Variants in C11orf58 observed in about 807,000 individuals in gnomAD.
The protein encoded by C11orf58 is small acidic protein.
Under a neutral mutation model 22.7 loss-of-function variants are expected in C11orf58, and 5 were observed. The ratio of observed to expected loss-of-function variants is 0.22; its 90% confidence interval spans 0.12 to 0.46. The LOEUF is 0.46. Ranked by LOEUF, C11orf58 falls within the 20% of genes least tolerant of loss-of-function variation. The probability of loss-of-function intolerance (pLI) is 0.99; values close to 1 mark genes in which losing one functional copy is unlikely to be tolerated. For synonymous variants in C11orf58, 71 were observed against 70.7 expected (o/e 1.00, Z -0.02); for missense variants, 151 against 223.3 (o/e 0.68, Z 2.06).
At chr11:16,739,118 A>G (rs1190565995) in intron 1 of C11orf58, among the ~76,000 whole-genome samples, 1 of 151,982 alleles carries the variant, frequency 6.6e-6, no homozygotes, top group African/African-American at 2.4e-5. Flanking sequence ...TAGTCAAGGG[A>G]TTTCGTACGT....
intron 1 of C11orf58, 101 bp from the exon 2 acceptor site, chr11:16,744,500 A>T (rs1281396902): frequency 6.9e-6 from 6 of 867,908 alleles, no homozygotes; most frequent in Non-Finnish European, 1.1e-5. Context: ...TTATAGTTAC[A>T]ACTGACAGGG....
chr11:16,744,528 T>TA, intron 1 of C11orf58, 73 bp from the exon 2 acceptor site: 1 of 1,220,820 alleles, frequency 8.2e-7, no homozygotes, highest in Non-Finnish European at 1.2e-6. Flanking sequence ...ACTTGAGAGT[T>TA]ACAGGTAGAC....
intron 1 of C11orf58, chr11:16,744,397 A>T (rs756017916): frequency 1.5e-5 from 8 of 529,186 alleles, no homozygotes; most frequent in Non-Finnish European, 2.7e-5. Context: ...GCTGTAGGAG[A>T]ACTAAAGGAT....
At chr11:16,748,874 CT>C (rs1848509649) in intron 3 of C11orf58, among the ~76,000 whole-genome samples, 2 of 151,960 alleles carry the variant, frequency 1.3e-5, no homozygotes, top group African/African-American at 4.8e-5. Flanking sequence ...AGAAACTAAC[CT>C]TTTTCTGTCT....
chr11:16,752,901 ATTAAC>A lies in C11orf58; in HGVS notation c.318+11_318+15del, dbSNP rs769926459. 4.4e-6 allele frequency: 7 copies of A among 1,587,030 alleles called. No individual in the cohort carries two copies. Among genetic ancestry groups the A allele is most frequent in the Middle Eastern group, 1.7e-4 (1 of 5,996 alleles). ...TGGACTTGGCTTCAGTGAGGTAGTA[ATTAAC>A]TTATTTTCATTGGGAAGATAATTAG... On this transcript the variant is annotated splice_region_variant and intron_variant, in intron 4 of 4. Coordinates refer to ENST00000228136, the MANE Select transcript of C11orf58 (RefSeq NM_014267.6).
chr11:16,750,341 A>G (rs1319775578), intron 3 of C11orf58: 1 of 152,234 alleles, frequency 6.6e-6, no homozygotes, highest in Non-Finnish European at 1.5e-5. Context: ...TCGTGAACGC[A>G]AAGAACAGAA....
intron 1 of C11orf58, among the ~76,000 whole-genome samples, chr11:16,743,080 T>C (rs1305992501): frequency 6.6e-6 from 1 of 152,360 alleles, no homozygotes; most frequent in East Asian, 1.9e-4. Context: ...AACCTATTGC[T>C]TACAATTTTG....
Position 16,754,967 on chromosome 11 carries a change from G to A in C11orf58, c.415G>A (p.Asp139Asn), listed in dbSNP as rs757516929. 12 of 1,613,994 alleles carry A rather than the reference G, an allele frequency of 7.4e-6. No homozygotes were observed. The highest frequency in any genetic ancestry group is 4.0e-5 in the African/African-American group (3 of 74,896). ...DPESPDDSESDSESEKEESAE... is the reference protein window; with the variant it reads ...DPESPDDSESNSESEKEESAE... ...TGAAAGTCCAGATGATTCTGAAAGC[G>A]ATTCAGAGTCAGAGAAAGAAGAATC... Residue 139 changes from aspartate to asparagine, a missense_variant, in exon 5 of 5, where the codon GAT becomes AAT. By Grantham distance (23) the Asp-to-Asn change is conservative. Coordinates refer to ENST00000228136, the MANE Select transcript of C11orf58 (RefSeq NM_014267.6).
intron 3 of C11orf58, chr11:16,751,201 C>G (rs1035517275): frequency 9.9e-5 from 15 of 152,080 alleles, no homozygotes; most frequent in African/African-American, 3.4e-4. Flanking sequence ...AGAATTGGGT[C>G]ACAAAATTGC....
intron 1 of C11orf58, among the ~76,000 whole-genome samples, chr11:16,743,491 G>C (rs961325483): frequency 6.6e-6 from 1 of 151,956 alleles, no homozygotes; most frequent in Non-Finnish European, 1.5e-5. Flanking sequence ...TGAGATTTTT[G>C]CAGTTAATTT....
Position 16,754,874 on chromosome 11 carries a change from G to A in C11orf58, c.322G>A (p.Glu108Lys), listed in dbSNP as rs1848563292. 1.2e-6 allele frequency: 2 copies of A among 1,613,702 alleles called. No individual in the cohort carries two copies. The highest frequency in any genetic ancestry group is 1.7e-6 in the Non-Finnish European group (2 of 1,179,904). Reference protein sequence around the residue: ...RHCGLGFSEVEDHDGEGDVAG... With the variant: ...RHCGLGFSEVKDHDGEGDVAG... ...AGCCTGTTGATTGATGTTTTAGGTAGAAGACCATGATGGAGAAGGTGATGT... is the reference window on the plus strand; with the variant it reads ...AGCCTGTTGATTGATGTTTTAGGTAAAAGACCATGATGGAGAAGGTGATGT... Residue 108 changes from glutamate to lysine, a missense_variant, in exon 5 of 5, where the codon GAA (glutamate) becomes AAA (lysine). Physicochemically the swap from Glu to Lys is moderately conservative, Grantham distance 56 (BLOSUM62 1). Transcript: ENST00000228136.
chr11:16,746,673 G>A (rs1564883815), intron 2 of C11orf58: 1 of 152,076 alleles, frequency 6.6e-6, no homozygotes, highest in Non-Finnish European at 1.5e-5. Context: ...TAAATAGGTT[G>A]TTCAGCATAG....
chr11:16,751,500 G>GA (rs35980375), intron 3 of C11orf58: 86,387 of 143,250 alleles, frequency 0.6, 25,730 homozygotes, highest in Middle Eastern at 0.78. Context: ...AGACTCCCTC[G>GA]AAAAAAAAAA....
Position 16,752,629 on chromosome 11 carries a change from A to G in C11orf58, c.209-156A>G, listed in dbSNP as rs964696576. 1.2e-5 allele frequency: 5 copies of G among 432,892 alleles called. No individual in the cohort carries two copies. In the Admixed American group the frequency reaches 1.7e-4, roughly 14 times the overall value. The allele number at this position is 432,892 out of a possible 1,614,324, so 26.8% of individuals were successfully genotyped here. On this transcript the variant is annotated intron_variant, in intron 3 of 4. Coordinates refer to ENST00000228136, the MANE Select transcript of C11orf58 (RefSeq NM_014267.6). ...CTCAACATCAGGCATTTTATTTTCT[A>G]TTAGGTAACCACCTATGGCATAAAT...
chr11:16,754,589 A>G (rs1397612437), intron 4 of C11orf58, among the ~76,000 whole-genome samples: 3 of 45,058 alleles, frequency 6.7e-5, no homozygotes, highest in Middle Eastern at 0.022. Flanking sequence ...TTTTTTTAAG[A>G]GACAGGGTCT....
In C11orf58 at chr11:16,748,177, T is replaced by C. The variant is rs547222715; in HGVS notation, c.208+20T>C. Reference sequence around the variant, plus strand: ...GAACCGGTAAGAAAGTAAAGTGTAATTAAAATGGAAGTGCTAAATTCAGAA... The same window carrying C: ...GAACCGGTAAGAAAGTAAAGTGTAACTAAAATGGAAGTGCTAAATTCAGAA... On this transcript the variant is annotated intron_variant, in intron 3 of 4. Coordinates refer to ENST00000228136, the MANE Select transcript of C11orf58 (RefSeq NM_014267.6). 4 of 1,592,952 alleles carry C rather than the reference T, an allele frequency of 2.5e-6. No individual in the cohort carries two copies. In the African/African-American group the frequency reaches 4.0e-5, roughly 16 times the overall value.
rs1159491688 is a variant in C11orf58 at position 16,754,863 on chromosome 11, T to A, written c.319-8T>A. ...ATTTTTAAAAGAGCCTGTTGATTGA[T>A]GTTTTAGGTAGAAGACCATGATGGA... On this transcript the variant is annotated splice_polypyrimidine_tract_variant and splice_region_variant and intron_variant, in intron 4 of 4. Transcript: ENST00000228136. 1 of 1,611,042 alleles carries A rather than the reference T, an allele frequency of 6.2e-7. No homozygotes were observed. Among genetic ancestry groups the A allele is most frequent in the Non-Finnish European group, 8.5e-7 (1 of 1,178,944 alleles).
rs1159899744 is a variant in C11orf58, at chr11:16,754,943, G to A, written c.391G>A (p.Glu131Lys). ...DDDDDDSPDP[E>K]SPDDSESDSE... ...TGACGATGATGATTCACCTGATCCT[G>A]AAAGTCCAGATGATTCTGAAAGCGA... The change falls in exon 5 of 5, where the codon GAA becomes AAA. Residue 131 changes from glutamate (E) to lysine (K), a missense_variant. This residue lies in a region of C11orf58 where 112 missense variants were observed against 162.6 expected (regional missense o/e 0.69). Transcript: ENST00000228136. The A allele has an allele frequency of 1.2e-6, 2 of 1,614,010 alleles. No individual in the cohort carries two copies. Among genetic ancestry groups the A allele is most frequent in the African/African-American group, 2.7e-5 (2 of 74,894 alleles).
At chr11:16,744,745 T>C (rs964002539) in intron 2 of C11orf58, 61 bp downstream of exon 2, 25 of 1,454,068 alleles carry the variant, frequency 1.7e-5, no homozygotes, top group African/African-American at 8.4e-5. Context: ...TTTTTATGTA[T>C]GCTAAGTAAG....
Sources: gnomAD v4.1 joint callset for allele counts (sites outside exome capture counted in the v4.1 genomes callset) on GRCh38, gnomAD v4.1.1 for gene constraint, gnomAD v4.1.1 regional missense constraint, MANE v1.5 for transcripts, NCBI Gene and HGNC (gene_info 2026-07-23, HGNC 2026-07-21) for gene names.